The following RABGAP1 variants were observed in gnomAD, a reference collection of about 807,000 sequenced individuals.
RABGAP1 encodes RAB GTPase activating protein 1.
In RABGAP1, 23 loss-of-function variants were observed where a neutral mutation model predicts 137.6. That is an observed-to-expected ratio of 0.17 (90% CI 0.12 to 0.24). The LOEUF (loss-of-function observed/expected upper bound fraction) is 0.24. Ranked by LOEUF, RABGAP1 falls within the 10% of genes least tolerant of loss-of-function variation. RABGAP1 has a pLI of 1.00. For missense variants in RABGAP1, 906 were observed against 1,275.8 expected, an observed-to-expected ratio of 0.71 and a Z score of 4.42; for synonymous variants, 451 against 450.7, an observed-to-expected ratio of 1.00 and a Z score of -0.01.
chr9:123,039,776 C>T (rs2032861909), intron 13 of RABGAP1, among the ~76,000 whole-genome samples: 1 of 152,130 alleles, frequency 6.6e-6, no homozygotes, highest in South Asian at 2.1e-4. Flanking sequence ...AGATAAAGCT[C>T]TGTAAAACTG....
intron 4 of RABGAP1, among the ~76,000 whole-genome samples, chr9:122,989,094 A>G (rs1836525892): frequency 1.3e-5 from 2 of 152,128 alleles, no homozygotes; most frequent in Non-Finnish European, 1.5e-5. Context: ...ACATGATACT[A>G]TATGGTTTTT....
At chr9:122,943,269 A>G (rs1381746752) in intron 1 of RABGAP1, among the ~76,000 whole-genome samples, 2 of 151,718 alleles carry the variant, frequency 1.3e-5, no homozygotes, top group Non-Finnish European at 2.9e-5. Context: ...GGGTTTCATC[A>G]TGTTGGCCAG....
chr9:123,004,519 A>G (rs1441392047), intron 10 of RABGAP1, among the ~76,000 whole-genome samples: 4 of 152,010 alleles, frequency 2.6e-5, no homozygotes, highest in Admixed American at 6.6e-5. Flanking sequence ...TGGAGTTCAA[A>G]TGATACTCCC....
chr9:122,956,417 G>A (rs774487375), intron 1 of RABGAP1, among the ~76,000 whole-genome samples: 90 of 152,142 alleles, frequency 5.9e-4, no homozygotes, highest in Non-Finnish European at 1.2e-3. Context: ...ACGGTAGGCC[G>A]AGACCGGCGG....
intron 19 of RABGAP1, among the ~76,000 whole-genome samples, chr9:123,082,652 A>G (rs925872637): frequency 6.6e-6 from 1 of 152,214 alleles, no homozygotes; most frequent in Admixed American, 6.5e-5. Flanking sequence ...CCATTTTGCC[A>G]TAGAATCCTG....
At chr9:122,933,321 A>G in the RABGAP1 span, among the ~76,000 whole-genome samples, 4 of 152,032 alleles carry the variant, frequency 2.6e-5, no homozygotes, top group East Asian at 1.9e-4. Flanking sequence ...TTTTATTAAT[A>G]TATAATGTCT....
chr9:123,020,925 A>G, intron 13 of RABGAP1: 1 of 908,580 alleles, frequency 1.1e-6, no homozygotes. Context: ...TCTCATTTGT[A>G]TGGTGTTCCC....
rs554895713 is a variant in RABGAP1 at position 123,018,144 on chromosome 9, G to A, written c.1644-2165G>A. ...TGAGTAGCTGGGACTACAGGTGCCC[G>A]CCACCTCGTCCGGCTAATTTTTTGT... On this transcript the variant is annotated intron_variant, in intron 12 of 25. Coordinates refer to ENST00000373647, the MANE Select transcript of RABGAP1 (RefSeq NM_012197.4). Among the ~76,000 whole-genome samples the A allele has an allele frequency of 3.0e-3, 454 of 152,222 alleles. 2 individuals are homozygous for A. Among genetic ancestry groups the A allele is most frequent in the African/African-American group, 0.01 (426 of 41,560 alleles).
intron 13 of RABGAP1, among the ~76,000 whole-genome samples, chr9:123,029,144 A>T (rs2032154979): frequency 6.6e-6 from 1 of 152,122 alleles, no homozygotes; most frequent in South Asian, 2.1e-4. Context: ...AGGATTTCAG[A>T]GGTAGAGTCC....
chr9:122,933,160 C>T, the RABGAP1 span, among the ~76,000 whole-genome samples: 1 of 152,092 alleles, frequency 6.6e-6, no homozygotes, highest in Non-Finnish European at 1.5e-5. Context: ...CTCCCCGTTA[C>T]TGAAAATGGG....
At chr9:123,062,862 C>T (rs1454176346) in intron 13 of RABGAP1, 1 of 152,096 alleles carries the variant, frequency 6.6e-6, no homozygotes, top group African/African-American at 2.4e-5. Context: ...GATGTTGGCT[C>T]ACTATAGCCT....
At position 123,103,127 on chromosome 9, in the gene RABGAP1, G is replaced by T. The variant is rs759009846; in HGVS notation, c.3124G>T (p.Val1042Leu). ...CCATTTAGGGCTTGCCCTCAATGAG[G>T]TGCAGGCAGCCAAGAAGACGTGGTT... ...EHHLGLALNE[V>L]QAAKKTWFNR... Residue 1042 changes from valine to leucine, a missense_variant, in exon 26 of 26, where the codon GTG becomes TTG. Around this residue, in one of 9 missense-constraint regions of RABGAP1, gnomAD observed 193 missense variants for 248.1 expected, o/e 0.78. Coordinates refer to ENST00000373647, the MANE Select transcript of RABGAP1 (RefSeq NM_012197.4). 1 of 1,614,124 alleles carries T rather than the reference G, an allele frequency of 6.2e-7. No homozygotes were observed. The highest frequency in any genetic ancestry group is 8.5e-7 in the Non-Finnish European group (1 of 1,180,010).
chr9:123,026,491 T>G (rs529874336), intron 13 of RABGAP1, among the ~76,000 whole-genome samples: 1 of 152,344 alleles, frequency 6.6e-6, no homozygotes, highest in East Asian at 1.9e-4. Flanking sequence ...ACTTCTTATA[T>G]TGAACTACTA....
At chr9:123,071,111 G>A (rs2034340860) in intron 15 of RABGAP1, among the ~76,000 whole-genome samples, 1 of 152,074 alleles carries the variant, frequency 6.6e-6, no homozygotes, top group Non-Finnish European at 1.5e-5. Flanking sequence ...ACAGAATTCT[G>A]TATCATAATC....
In RABGAP1 at chr9:123,090,266, A is replaced by G; in HGVS notation, c.2518-9A>G. 1.2e-6 allele frequency: 2 copies of G among 1,600,108 alleles called. No homozygotes were observed. The highest frequency in any genetic ancestry group is 1.7e-6 in the Non-Finnish European group (2 of 1,170,862). On this transcript the variant is annotated splice_polypyrimidine_tract_variant and intron_variant, in intron 20 of 25. Transcript: ENST00000373647. ...ATGTGTCTGTAACTGGTTTCTTTCT[A>G]CCCTTCAGCGGGAGAATAGGCGTCT... is the stretch of plus-strand genomic sequence containing the variant.
At chr9:122,989,927 G>T in intron 5 of RABGAP1, 129 bp from the exon 6 acceptor site, 1 of 1,095,208 alleles carries the variant, frequency 9.1e-7, no homozygotes, top group South Asian at 1.8e-5. Flanking sequence ...AACAAATTAG[G>T]TAATTTACCA....
At chr9:122,979,502 T>TA (rs1188324915) in intron 2 of RABGAP1, among the ~76,000 whole-genome samples, 10 of 152,362 alleles carry the variant, frequency 6.6e-5, no homozygotes, top group African/African-American at 2.2e-4. Flanking sequence ...TTTTCTTTTA[T>TA]GATTCATACT....
chr9:123,012,776 C>G (rs2030918192), intron 11 of RABGAP1, among the ~76,000 whole-genome samples: 1 of 152,090 alleles, frequency 6.6e-6, no homozygotes. Context: ...ATGGGTAACC[C>G]CCTAGAATTC....
At chr9:123,022,312 T>G (rs1588285287) in intron 13 of RABGAP1, among the ~76,000 whole-genome samples, 1 of 152,226 alleles carries the variant, frequency 6.6e-6, no homozygotes, top group Non-Finnish European at 1.5e-5. Context: ...TTATATGATA[T>G]GTAAAAGAAA....
Sources: gnomAD v4.1 joint callset for allele counts (sites outside exome capture counted in the v4.1 genomes callset) on GRCh38, gnomAD v4.1.1 for gene constraint, gnomAD v4.1.1 regional missense constraint, MANE v1.5 for transcripts, NCBI Gene and HGNC (gene_info 2026-07-23, HGNC 2026-07-21) for gene names.